The following NBAS variants were observed in gnomAD, a reference collection of about 807,000 sequenced individuals.
NBAS encodes NAG/BC035112 fusion.
A neutral mutation model predicts 302.5 loss-of-function variants in NBAS; 219 were observed. That is an observed-to-expected ratio of 0.72 (90% CI 0.65 to 0.81). The LOEUF is 0.81. Ranked by LOEUF, NBAS falls within the 30% of genes least tolerant of loss-of-function variation. NBAS has a pLI of 0.00. For missense variants in NBAS, 2,932 were observed against 2,841.6 expected (o/e 1.03, Z -0.72); for synonymous variants, 1,118 against 1,021.6 (o/e 1.09, Z -1.80).
chr2:15,170,710 T>C (rs1473667048), intron 51 of NBAS, among the ~76,000 whole-genome samples: 2 of 152,178 alleles, frequency 1.3e-5, no homozygotes, highest in Non-Finnish European at 2.9e-5. Flanking sequence ...AAATACTGCA[T>C]AGATAATTTT....
the NBAS span, among the ~76,000 whole-genome samples, chr2:14,836,827 A>T: frequency 6.6e-6 from 1 of 151,746 alleles, no homozygotes; most frequent in Non-Finnish European, 1.5e-5. Context: ...GACATGGAGT[A>T]TTTTTCCATT....
intron 21 of NBAS, among the ~76,000 whole-genome samples, chr2:15,446,629 T>C (rs1678757643): frequency 6.6e-6 from 1 of 152,132 alleles, no homozygotes; most frequent in African/African-American, 2.4e-5. Context: ...TAAATATGTG[T>C]GTAAAAACAA....
intron 51 of NBAS, among the ~76,000 whole-genome samples, chr2:15,177,236 T>C (rs1345649589): frequency 2.6e-5 from 4 of 152,192 alleles, no homozygotes; most frequent in African/African-American, 9.7e-5. Flanking sequence ...CTTAGCACCA[T>C]GCAGCACATC....
the NBAS span, among the ~76,000 whole-genome samples, chr2:15,053,843 G>A: frequency 6.6e-6 from 1 of 151,968 alleles, no homozygotes; most frequent in African/African-American, 2.4e-5. Flanking sequence ...GTTAGAGAAG[G>A]AAGGAAGGAA....
chr2:15,479,816 G>A (rs1680349599), intron 12 of NBAS, among the ~76,000 whole-genome samples: 1 of 152,174 alleles, frequency 6.6e-6, no homozygotes. Flanking sequence ...AGGTGAAGAT[G>A]TGTTCTTCTG....
the NBAS span, among the ~76,000 whole-genome samples, chr2:15,072,317 A>T: frequency 6.6e-6 from 1 of 152,202 alleles, no homozygotes; most frequent in Non-Finnish European, 1.5e-5. Context: ...TCTTCAGTGA[A>T]GTTCCTGTTC....
At chr2:15,324,414 C>T (rs1671968582) in intron 38 of NBAS, among the ~76,000 whole-genome samples, 1 of 152,140 alleles carries the variant, frequency 6.6e-6, no homozygotes, top group Non-Finnish European at 1.5e-5. Flanking sequence ...ATCTTCTTTG[C>T]CTCTATGAAT....
At chr2:15,088,993 CA>C in the NBAS span, among the ~76,000 whole-genome samples, 1 of 152,154 alleles carries the variant, frequency 6.6e-6, no homozygotes, top group African/African-American at 2.4e-5. Context: ...GTTGATACCC[CA>C]TCCCTGCAGC....
At chr2:15,450,056 C>CAA (rs1678936315) in intron 21 of NBAS, among the ~76,000 whole-genome samples, 1 of 152,088 alleles carries the variant, frequency 6.6e-6, no homozygotes, top group South Asian at 2.1e-4. Flanking sequence ...ATCATCCAGC[C>CAA]TACAGTTAAG....
intron 26 of NBAS, 57 bp downstream of exon 26, chr2:15,402,111 T>A: frequency 3.7e-6 from 6 of 1,602,274 alleles, no homozygotes; most frequent in Non-Finnish European, 5.1e-6. Context: ...GCAACGTTTT[T>A]GTTTTAACTG....
intron 35 of NBAS, among the ~76,000 whole-genome samples, chr2:15,333,834 T>C (rs1357124622): frequency 8.0e-6 from 1 of 124,256 alleles, no homozygotes; most frequent in African/African-American, 3.2e-5. Flanking sequence ...TTAGATACAG[T>C]GGAGGTAAAA....
the NBAS span, among the ~76,000 whole-genome samples, chr2:15,039,602 A>T: frequency 6.6e-6 from 1 of 152,156 alleles, no homozygotes; most frequent in Non-Finnish European, 1.5e-5. Flanking sequence ...GGGGGAGCTA[A>T]CAGAAGGTGA....
At chr2:14,854,563 T>C in the NBAS span, among the ~76,000 whole-genome samples, 1 of 150,864 alleles carries the variant, frequency 6.6e-6, no homozygotes, top group Non-Finnish European at 1.5e-5. Context: ...AGTCCAGAAA[T>C]TGCAGACCCC....
rs142747790 is a variant in NBAS, at chr2:15,416,085, C to CAGAG, written c.2764-370_2764-367dup. On this transcript the variant is annotated intron_variant, in intron 24 of 51. Transcript: ENST00000281513. ...AGCAAAGAGAAGGCATACGCAAAAA[C>CAGAG]AGAGAGAGAGAGAGAGAGAGAGAGT... is the stretch of plus-strand genomic sequence containing the variant. 5.9e-3 allele frequency among the ~76,000 whole-genome samples: 875 copies of CAGAG among 147,826 alleles called. 9 individuals carry two copies. The highest frequency in any genetic ancestry group is 0.018 in the African/African-American group (743 of 40,430).
At chr2:15,285,461 T>C (rs1331589942) in intron 42 of NBAS, among the ~76,000 whole-genome samples, 1 of 152,126 alleles carries the variant, frequency 6.6e-6, no homozygotes, top group African/African-American at 2.4e-5. Flanking sequence ...TGCCTCAAGC[T>C]TTCTCCTTTC....
At chr2:14,893,650 G>A in the NBAS span, among the ~76,000 whole-genome samples, 1 of 152,180 alleles carries the variant, frequency 6.6e-6, no homozygotes, top group Non-Finnish European at 1.5e-5. Context: ...TTCTCTTGCT[G>A]AATAACTTTC....
At chr2:14,840,853 C>A in the NBAS span, among the ~76,000 whole-genome samples, 1 of 151,890 alleles carries the variant, frequency 6.6e-6, no homozygotes, top group Non-Finnish European at 1.5e-5. Flanking sequence ...CCCACTGGTA[C>A]AATTAAATGG....
the NBAS span, among the ~76,000 whole-genome samples, chr2:15,017,330 A>G: frequency 6.6e-6 from 1 of 152,116 alleles, no homozygotes; most frequent in East Asian, 1.9e-4. Context: ...ATAATATCAA[A>G]TAAAAAAGCT....
At chr2:15,532,508 A>C (rs1157680751) in intron 9 of NBAS, among the ~76,000 whole-genome samples, 1 of 150,826 alleles carries the variant, frequency 6.6e-6, no homozygotes, top group African/African-American at 2.4e-5. Flanking sequence ...AAAAAAAAAA[A>C]AACTATAAAA....
Sources: gnomAD v4.1 joint callset for allele counts (sites outside exome capture counted in the v4.1 genomes callset) on GRCh38, gnomAD v4.1.1 for gene constraint, MANE v1.5 for transcripts, NCBI Gene and HGNC (gene_info 2026-07-23, HGNC 2026-07-21) for gene names.